Variants in LSAMP observed in about 807,000 individuals in gnomAD.
The protein encoded by LSAMP is limbic system associated membrane protein, also known as limbic system-associated membrane protein.
LSAMP carries 7 observed loss-of-function variants against 38.6 expected under a neutral mutation model. The observed-to-expected ratio is 0.18, with a 90% CI of 0.10 to 0.34. LSAMP has a LOEUF of 0.34. Among genes scored for constraint, LSAMP ranks in the 10% least tolerant of loss-of-function variants. The pLI, the probability that LSAMP is intolerant of heterozygous loss-of-function variation, is 1.00. For synonymous variants in LSAMP, 154 were observed against 166.8 expected, an observed-to-expected ratio of 0.92 and a Z score of 0.59; for missense variants, 313 against 420.0, an observed-to-expected ratio of 0.75 and a Z score of 2.23.
chr3:116,031,129 G>T (rs144852651), intron 2 of LSAMP, among the ~76,000 whole-genome samples: 326 of 152,164 alleles, frequency 2.1e-3, no homozygotes, highest in African/African-American at 7.7e-3. Flanking sequence ...CAAAAGCAAG[G>T]AAGATTTTAA....
chr3:116,070,856 C>A (rs1168577052), intron 2 of LSAMP, among the ~76,000 whole-genome samples: 1 of 152,054 alleles, frequency 6.6e-6, no homozygotes, highest in Non-Finnish European at 1.5e-5. Flanking sequence ...GCTTGACCAA[C>A]ATGGAGAAAC....
chr3:116,192,419 C>T lies in LSAMP; in HGVS notation c.156-105863G>A, dbSNP rs182035762. Among the ~76,000 whole-genome samples the T allele has an allele frequency of 1.9e-3, 291 of 152,300 alleles. 1 individual carries two copies. The highest frequency in any genetic ancestry group is 0.01 in the Middle Eastern group (3 of 294). On this transcript the variant is annotated intron_variant, in intron 1 of 6. Coordinates refer to ENST00000490035, the MANE Select transcript of LSAMP (RefSeq NM_002338.5). ...TGCTTCCCTGCCCAGCCATCCTCAC[C>T]AATATTGGCATTCCATTACTCTCTC...
rs140527092 is a variant in LSAMP, at chr3:116,074,817, A to G, written c.388+11507T>C. 5.8e-4 allele frequency among the ~76,000 whole-genome samples: 87 copies of G among 149,720 alleles called. 3 individuals are homozygous for G. In the East Asian group the frequency reaches 0.011, roughly 20 times the overall value. ...TGTAAATTGGCAATTTATGTCTTTG[A>G]CAAAGTTTAGTCATATTTTCTTTAT... On this transcript the variant is annotated intron_variant, in intron 2 of 6. Transcript: ENST00000490035.
At chr3:115,878,052 GAC>G (rs538257417) in intron 3 of LSAMP, among the ~76,000 whole-genome samples, 311 of 152,242 alleles carry the variant, frequency 2.0e-3, no homozygotes, top group Non-Finnish European at 3.8e-3. Flanking sequence ...CATACGCGGA[GAC>G]ACGATTGTTC....
intron 1 of LSAMP, among the ~76,000 whole-genome samples, chr3:116,417,762 T>C (rs1576208621): frequency 6.6e-6 from 1 of 152,210 alleles, no homozygotes; most frequent in South Asian, 2.1e-4. Flanking sequence ...GTCCTGATTA[T>C]AATAAATAAA....
At chr3:115,995,961 T>C (rs1455509398) in intron 3 of LSAMP, among the ~76,000 whole-genome samples, 1 of 152,034 alleles carries the variant, frequency 6.6e-6, no homozygotes, top group African/African-American at 2.4e-5. Context: ...AACTCTAGAT[T>C]GAATGGATAC....
intron 3 of LSAMP, among the ~76,000 whole-genome samples, chr3:115,859,262 A>C (rs1935600972): frequency 6.6e-6 from 1 of 152,172 alleles, no homozygotes; most frequent in Non-Finnish European, 1.5e-5. Context: ...GATTGAAAGA[A>C]GGCAGGGAAG....
intron 1 of LSAMP, among the ~76,000 whole-genome samples, chr3:116,118,356 T>C (rs1402684361): frequency 3.9e-5 from 6 of 152,214 alleles, no homozygotes; most frequent in Admixed American, 6.5e-5. Flanking sequence ...ATTCCTGAAC[T>C]GTCTGTGGGA....
At chr3:116,053,495 CTT>C (rs1469302528) in intron 2 of LSAMP, among the ~76,000 whole-genome samples, 3 of 152,088 alleles carry the variant, frequency 2.0e-5, no homozygotes, top group African/African-American at 7.2e-5. Flanking sequence ...GCAAACGTCT[CTT>C]TGAGGATATA....
At chr3:116,260,523 T>C (rs1232229490) in intron 1 of LSAMP, among the ~76,000 whole-genome samples, 2 of 152,188 alleles carry the variant, frequency 1.3e-5, no homozygotes, top group African/African-American at 4.8e-5. Flanking sequence ...GGGTTTCTAA[T>C]AATTTCTTCA....
chr3:115,998,583 C>T (rs887007964), intron 3 of LSAMP, among the ~76,000 whole-genome samples: 3 of 152,144 alleles, frequency 2.0e-5, no homozygotes, highest in Non-Finnish European at 4.4e-5. Flanking sequence ...CACCTGGAAG[C>T]TTAGATGTAC....
At chr3:116,046,401 C>G (rs1323799090) in intron 2 of LSAMP, among the ~76,000 whole-genome samples, 2 of 151,650 alleles carry the variant, frequency 1.3e-5, no homozygotes, top group African/African-American at 4.8e-5. Flanking sequence ...AAAAAAGAAA[C>G]AGGAAAAAAA....
In LSAMP at chr3:116,086,319, C is replaced by T. The variant is rs1707988134; in HGVS notation, c.388+5G>A. 6.2e-7 allele frequency: 1 copy of T among 1,612,490 alleles called. No individual in the cohort carries two copies. Among genetic ancestry groups the T allele is most frequent in the Admixed American group, 1.7e-5 (1 of 59,946 alleles). On this transcript the variant is annotated splice_donor_5th_base_variant and intron_variant, in intron 2 of 6. Coordinates refer to ENST00000490035, the MANE Select transcript of LSAMP (RefSeq NM_002338.5). The stretch of plus-strand genomic sequence containing the variant: ...TACCACCCTTCTATCCCACACTTTC[C>T]TTACCTTGTACGATCAAGTAAACTT...
chr3:115,869,290 G>GAGAGAGAGAGAGAGAGAGAA, intron 3 of LSAMP, among the ~76,000 whole-genome samples: 1 of 151,836 alleles, frequency 6.6e-6, no homozygotes, highest in African/African-American at 2.4e-5. Flanking sequence ...GAGAGAGAGA[G>GAGAGAGAGAGAGAGAGAGAA]AGAGAGAGAG....
chr3:115,910,006 C>T (rs1937100041), intron 3 of LSAMP, among the ~76,000 whole-genome samples: 1 of 152,134 alleles, frequency 6.6e-6, no homozygotes, highest in South Asian at 2.1e-4. Flanking sequence ...GTGCTCATAT[C>T]AGTGTTGTTG....
chr3:115,868,384 C>T (rs1050428536), intron 3 of LSAMP, among the ~76,000 whole-genome samples: 1 of 152,062 alleles, frequency 6.6e-6, no homozygotes, highest in Admixed American at 6.6e-5. Context: ...CAAGCACTAG[C>T]CATTGAGAAA....
chr3:116,442,157 G>A (rs899602835), intron 1 of LSAMP, among the ~76,000 whole-genome samples: 3 of 152,140 alleles, frequency 2.0e-5, no homozygotes. Context: ...ATACAAAAAT[G>A]AGCATCAATC....
intron 3 of LSAMP, among the ~76,000 whole-genome samples, chr3:116,004,500 ATGTG>A (rs997674027): frequency 2.1e-5 from 3 of 141,686 alleles, no homozygotes; most frequent in East Asian, 2.0e-4. Context: ...ATGAAACCAA[ATGTG>A]TGTGTGTATA....
intron 2 of LSAMP, among the ~76,000 whole-genome samples, chr3:116,042,205 T>C (rs1192914696): frequency 6.6e-6 from 1 of 152,214 alleles, no homozygotes; most frequent in African/African-American, 2.4e-5. Context: ...TGAAGGGTTA[T>C]AACAATACCT....
Sources: gnomAD v4.1 joint callset for allele counts (sites outside exome capture counted in the v4.1 genomes callset) on GRCh38, gnomAD v4.1.1 for gene constraint, MANE v1.5 for transcripts, NCBI Gene and HGNC (gene_info 2026-07-23, HGNC 2026-07-21) for gene names.